The following TXLNB variants were observed in gnomAD, a reference collection of about 807,000 sequenced individuals.
TXLNB encodes the protein beta-taxilin.
Under a neutral mutation model 57.4 loss-of-function variants are expected in TXLNB, and 37 were observed. The observed-to-expected ratio is 0.64, with a 90% confidence interval of 0.50 to 0.85. The LOEUF is 0.85. Ranked by LOEUF, TXLNB falls within the 40% of genes least tolerant of loss-of-function variation. The pLI, the probability that TXLNB is intolerant of heterozygous loss-of-function variation, is 0.00. For missense variants in TXLNB, 848 were observed against 825.6 expected (o/e 1.03, Z -0.33); for synonymous variants, 302 against 309.6 (o/e 0.98, Z 0.26).
At chr6:139,205,628 CA>C in the TXLNB span, among the ~76,000 whole-genome samples, 1 of 143,270 alleles carries the variant, frequency 7.0e-6, no homozygotes, top group East Asian at 2.0e-4. Flanking sequence ...CAGACAAAGA[CA>C]AAGAAAAAAG....
the TXLNB span, among the ~76,000 whole-genome samples, chr6:139,219,518 C>T: frequency 6.6e-6 from 1 of 152,232 alleles, no homozygotes; most frequent in Admixed American, 6.5e-5. Context: ...AGTGCGGTGG[C>T]AGCTGCTGCT....
chr6:139,217,224 G>A, the TXLNB span, among the ~76,000 whole-genome samples: 72 of 152,186 alleles, frequency 4.7e-4, no homozygotes, highest in African/African-American at 1.7e-3. Context: ...GCAGCCTTGC[G>A]CTTACACATT....
intron 7 of TXLNB, among the ~76,000 whole-genome samples, chr6:139,250,242 C>T (rs1776166443): frequency 6.6e-6 from 1 of 151,082 alleles, no homozygotes; most frequent in African/African-American, 2.4e-5. Flanking sequence ...AATCCTCCTG[C>T]CTCAACATCC....
At chr6:139,205,632 GA>G in the TXLNB span, among the ~76,000 whole-genome samples, 1 of 147,674 alleles carries the variant, frequency 6.8e-6, no homozygotes, top group Non-Finnish European at 1.5e-5. Flanking sequence ...CAAAGACAAA[GA>G]AAAAAGAAAA....
At chr6:139,169,755 G>A in the TXLNB span, 1 of 152,200 alleles carries the variant, frequency 6.6e-6, no homozygotes, top group Non-Finnish European at 1.5e-5. Context: ...TTCAAGAGAT[G>A]TAAGTGGAAG....
chr6:139,295,733 C>A (rs72990559), upstream of TXLNB, among the ~76,000 whole-genome samples: 6,110 of 152,208 alleles, frequency 0.04, 145 homozygotes, highest in Admixed American at 0.065. Flanking sequence ...ATTTTCCCCA[C>A]AAAATTATAT....
chr6:139,222,644 T>C, the TXLNB span, among the ~76,000 whole-genome samples: 9 of 152,062 alleles, frequency 5.9e-5, no homozygotes, highest in Non-Finnish European at 2.9e-5. Flanking sequence ...TTGTCTCTAC[T>C]AAAAATACAA....
chr6:139,215,142 G>A, the TXLNB span, among the ~76,000 whole-genome samples: 4 of 146,784 alleles, frequency 2.7e-5, no homozygotes, highest in African/African-American at 9.9e-5. Flanking sequence ...AAGTTCATAT[G>A]GAACCAAAAA....
chr6:139,218,573 T>C, the TXLNB span, among the ~76,000 whole-genome samples: 1 of 151,878 alleles, frequency 6.6e-6, no homozygotes, highest in Non-Finnish European at 1.5e-5. Flanking sequence ...ACCAACAAGG[T>C]GAAACCCTGT....
At chr6:139,275,035 C>G (rs541384956) in intron 3 of TXLNB, among the ~76,000 whole-genome samples, 1 of 152,172 alleles carries the variant, frequency 6.6e-6, no homozygotes. Flanking sequence ...TACACTGATA[C>G]TTGCTTTGTG....
At chr6:139,264,222 A>C (rs1776556802) in intron 4 of TXLNB, among the ~76,000 whole-genome samples, 1 of 152,226 alleles carries the variant, frequency 6.6e-6, no homozygotes, top group African/African-American at 2.4e-5. Flanking sequence ...TTTCGCTAAA[A>C]ATAATTATGG....
chr6:139,285,622 G>A lies in TXLNB; in HGVS notation c.424+2854C>T, dbSNP rs552115498. ...ATTTTATCCTAGTTGGGTGAAGTAT[G>A]CTACCTGAATGTATTATTTAGGCCT... On this transcript the variant is annotated intron_variant, in intron 2 of 9. Coordinates refer to ENST00000358430, the MANE Select transcript of TXLNB (RefSeq NM_153235.4). Among the ~76,000 whole-genome samples the A allele has an allele frequency of 2.8e-4, 41 of 145,366 alleles. 5 individuals carry two copies. Among genetic ancestry groups the A allele is most frequent in the Non-Finnish European group, 4.9e-4 (32 of 65,336 alleles).
At chr6:139,247,765 G>T in intron 8 of TXLNB, 52 bp downstream of exon 8, 3 of 1,306,794 alleles carry the variant, frequency 2.3e-6, no homozygotes, top group Non-Finnish European at 2.2e-6. Context: ...AAGGAAATTT[G>T]CCTGTCAAAA....
the TXLNB span, among the ~76,000 whole-genome samples, chr6:139,206,353 A>G: frequency 0.89 from 134,958 of 152,224 alleles, 60,469 homozygotes; most frequent in African/African-American, 0.97. Context: ...AATGTAAATG[A>G]CCTAAATGCT....
chr6:139,175,334 T>C, the TXLNB span, among the ~76,000 whole-genome samples: 6,279 of 152,306 alleles, frequency 0.041, 136 homozygotes, highest in African/African-American at 0.063. Flanking sequence ...CCTGGTTTTT[T>C]AGTACAAATA....
At chr6:139,238,865 T>A (rs1775865911), downstream of TXLNB, among the ~76,000 whole-genome samples, 1 of 152,216 alleles carries the variant, frequency 6.6e-6, no homozygotes, top group African/African-American at 2.4e-5. Context: ...TATTTTACTT[T>A]CCCAAATACT....
the TXLNB span, among the ~76,000 whole-genome samples, chr6:139,319,908 A>C: frequency 3.2e-3 from 495 of 152,360 alleles, 2 homozygotes; most frequent in African/African-American, 0.011. Context: ...TTAGCAATAC[A>C]CAGCATAGTG....
At chr6:139,167,140 G>A in the TXLNB span, 3 of 1,614,162 alleles carry the variant, frequency 1.9e-6, no homozygotes, top group East Asian at 4.5e-5. Context: ...AAGTGGGCCA[G>A]GGGGAAGACT....
chr6:139,200,853 G>C, the TXLNB span, among the ~76,000 whole-genome samples: 4 of 152,048 alleles, frequency 2.6e-5, no homozygotes, highest in South Asian at 8.3e-4. Flanking sequence ...CCAACTTTGG[G>C]CTGCCTTCCT....
Sources: allele counts gnomAD v4.1 joint callset (sites outside exome capture counted in the v4.1 genomes callset), GRCh38; gene constraint gnomAD v4.1.1; transcripts MANE v1.5; gene names NCBI Gene and HGNC (gene_info 2026-07-23, HGNC 2026-07-21).